GRIK1: variants seen among roughly 807,000 people sequenced by gnomAD.
The protein encoded by GRIK1 is glutamate ionotropic receptor kainate type subunit 1.
GRIK1 carries 69 observed loss-of-function variants against 105.7 expected under a neutral mutation model. The ratio of observed to expected loss-of-function variants is 0.65; its 90% CI spans 0.54 to 0.80. GRIK1 has a LOEUF of 0.80. Ranked by LOEUF, GRIK1 falls within the 30% of genes least tolerant of loss-of-function variation. The pLI is 0.00. For missense variants in GRIK1, 1,109 were observed against 1,167.3 expected, an observed-to-expected ratio of 0.95 and a Z score of 0.73; for synonymous variants, 438 against 431.3, an observed-to-expected ratio of 1.02 and a Z score of -0.19.
chr21:29,560,430 TTTC>T (rs1482169476), intron 15 of GRIK1, among the ~76,000 whole-genome samples: 1 of 130,914 alleles, frequency 7.6e-6, no homozygotes, highest in East Asian at 2.2e-4. Flanking sequence ...TCTTTCTTTC[TTTC>T]TTTCTTTTTC....
intron 1 of GRIK1, among the ~76,000 whole-genome samples, chr21:29,728,832 C>T (rs1414922877): frequency 1.3e-5 from 2 of 152,098 alleles, no homozygotes; most frequent in African/African-American, 2.4e-5. Flanking sequence ...TAAGAGATGG[C>T]AGCTGGTAAC....
chr21:29,834,434 C>T (rs1302382083), intron 1 of GRIK1, among the ~76,000 whole-genome samples: 1 of 150,878 alleles, frequency 6.6e-6, no homozygotes, highest in Non-Finnish European at 1.5e-5. Context: ...CACTACTAAC[C>T]ATCAGTGAAA....
intron 1 of GRIK1, among the ~76,000 whole-genome samples, chr21:29,807,055 C>A (rs1220625201): frequency 6.6e-6 from 1 of 152,198 alleles, no homozygotes; most frequent in African/African-American, 2.4e-5. Flanking sequence ...ATCCTCCCAG[C>A]CTTCCGGCTC....
At chr21:29,815,351 C>T (rs2067127721) in intron 1 of GRIK1, among the ~76,000 whole-genome samples, 1 of 152,068 alleles carries the variant, frequency 6.6e-6, no homozygotes, top group African/African-American at 2.4e-5. Flanking sequence ...TAGTGGATAT[C>T]TCATAAAGTA....
chr21:29,692,121 T>C (rs370493974), intron 2 of GRIK1, among the ~76,000 whole-genome samples: 1 of 152,370 alleles, frequency 6.6e-6, no homozygotes, highest in South Asian at 2.1e-4. Context: ...TAATATTATT[T>C]GACAGAAAAT....
intron 1 of GRIK1, among the ~76,000 whole-genome samples, chr21:29,935,004 T>C (rs1159935452): frequency 6.6e-6 from 1 of 152,176 alleles, no homozygotes; most frequent in Non-Finnish European, 1.5e-5. Context: ...TTCAAGTTCA[T>C]GTTAGGACCA....
chr21:29,741,514 A>G (rs552430243), intron 1 of GRIK1, among the ~76,000 whole-genome samples: 16 of 152,348 alleles, frequency 1.1e-4, no homozygotes, highest in African/African-American at 3.4e-4. Context: ...AAAAATTGCA[A>G]TAAAGAAAAC....
At chr21:29,587,923 G>A (rs187171995) in intron 11 of GRIK1, among the ~76,000 whole-genome samples, 15 of 144,024 alleles carry the variant, frequency 1.0e-4, no homozygotes, top group Non-Finnish European at 1.5e-5. Flanking sequence ...ACTATTAATT[G>A]ACATGATGAG....
chr21:29,719,268 T>C (rs2146849307), intron 1 of GRIK1, among the ~76,000 whole-genome samples: 1 of 151,768 alleles, frequency 6.6e-6, no homozygotes, highest in South Asian at 2.1e-4. Context: ...AGATGAAATT[T>C]TTTTCCTTAG....
chr21:29,603,503 G>A (rs1476054902), intron 7 of GRIK1, among the ~76,000 whole-genome samples: 1 of 152,112 alleles, frequency 6.6e-6, no homozygotes, highest in Non-Finnish European at 1.5e-5. Context: ...AGGTAATCAT[G>A]TCTCTGCAAT....
chr21:29,625,928 C>G (rs1056888082), intron 7 of GRIK1, among the ~76,000 whole-genome samples: 1 of 152,012 alleles, frequency 6.6e-6, no homozygotes, highest in Admixed American at 6.6e-5. Flanking sequence ...TTGTGTCCCC[C>G]CAAATTTGTA....
chr21:29,680,072 T>C (rs1601436582), intron 3 of GRIK1, among the ~76,000 whole-genome samples: 1 of 152,236 alleles, frequency 6.6e-6, no homozygotes, highest in South Asian at 2.1e-4. Context: ...TCTTAGGTCA[T>C]TGAGTTCCTT....
At chr21:29,915,610 G>T (rs1383011896) in intron 1 of GRIK1, among the ~76,000 whole-genome samples, 2 of 151,970 alleles carry the variant, frequency 1.3e-5, no homozygotes, top group African/African-American at 4.8e-5. Context: ...GTTTACTGCG[G>T]GAACATGTTG....
intron 3 of GRIK1, among the ~76,000 whole-genome samples, chr21:29,677,662 C>T (rs952475705): frequency 4.6e-5 from 7 of 152,018 alleles, no homozygotes; most frequent in African/African-American, 1.4e-4. Context: ...ACAAACTTTG[C>T]TATTTAGATT....
intron 1 of GRIK1, among the ~76,000 whole-genome samples, chr21:29,763,159 G>T (rs1340043568): frequency 6.6e-6 from 1 of 152,138 alleles, no homozygotes; most frequent in Non-Finnish European, 1.5e-5. Context: ...TCATGGGGGT[G>T]GTTCCCCCAT....
intron 1 of GRIK1, among the ~76,000 whole-genome samples, chr21:29,883,323 G>A (rs1290085745): frequency 6.6e-6 from 1 of 152,160 alleles, no homozygotes; most frequent in South Asian, 2.1e-4. Flanking sequence ...AGAGGCTGGT[G>A]AGTCAAATAA....
chr21:29,692,014 G>C (rs1309770076), intron 2 of GRIK1, among the ~76,000 whole-genome samples: 2 of 152,122 alleles, frequency 1.3e-5, no homozygotes, highest in Non-Finnish European at 2.9e-5. Flanking sequence ...GGAGAGTATG[G>C]GAGTGTGTGA....
At chr21:29,746,304 T>C (rs1177623566) in intron 1 of GRIK1, among the ~76,000 whole-genome samples, 1 of 152,204 alleles carries the variant, frequency 6.6e-6, no homozygotes, top group Non-Finnish European at 1.5e-5. Flanking sequence ...AAACATTTGT[T>C]AAACAACTTT....
rs113484878 is a variant in GRIK1 at position 29,710,959 on chromosome 21, T to A, written c.119-16896A>T. ...TAAAGAGTAACCCATTCTTGGATTG[T>A]CGCCTTCCTATTTTGATTTTTAATT... On this transcript the variant is annotated intron_variant, in intron 1 of 17. Transcript: ENST00000327783. Among the ~76,000 whole-genome samples, 704 of 152,070 alleles carry A rather than the reference T, an allele frequency of 4.6e-3. 8 individuals carry two copies. The highest frequency in any genetic ancestry group is 0.016 in the African/African-American group (678 of 41,466).
Sources: allele counts gnomAD v4.1 joint callset (sites outside exome capture counted in the v4.1 genomes callset), GRCh38; gene constraint gnomAD v4.1.1; transcripts MANE v1.5; gene names NCBI Gene and HGNC (gene_info 2026-07-23, HGNC 2026-07-21).